Variants in WDR59 observed in about 807,000 individuals in gnomAD.
The protein encoded by WDR59 is WD repeat domain 59, also known as GATOR2 complex protein WDR59.
Under a neutral mutation model 131.2 loss-of-function variants are expected in WDR59, and 100 were observed. That is an observed-to-expected ratio of 0.76 (90% CI 0.65 to 0.90). The LOEUF (loss-of-function observed/expected upper bound fraction) is 0.90. WDR59 is among the 40% of genes least tolerant of loss of function. The pLI, the probability that WDR59 is intolerant of heterozygous loss-of-function variation, is 0.00. For synonymous variants in WDR59, 601 were observed against 466.2 expected, an observed-to-expected ratio of 1.29 and a Z score of -3.72; for missense variants, 1,203 against 1,262.2, an observed-to-expected ratio of 0.95 and a Z score of 0.71.
chr16:74,886,258 G>A lies in WDR59; in HGVS notation c.2546+12C>T. Reference sequence around the variant, plus strand: ...TCCTGGCATTGCAGCTCTCACCTGGGAGGGTGGTTACCTTTTATTTTTATC... The same window carrying A: ...TCCTGGCATTGCAGCTCTCACCTGGAAGGGTGGTTACCTTTTATTTTTATC... On this transcript the variant is annotated intron_variant, in intron 24 of 25. Coordinates refer to ENST00000262144, the MANE Select transcript of WDR59 (RefSeq NM_030581.4). 1 of 1,608,122 alleles carries A rather than the reference G, an allele frequency of 6.2e-7. No individual in the cohort carries two copies. Among genetic ancestry groups the A allele is most frequent in the Non-Finnish European group, 8.5e-7 (1 of 1,176,136 alleles).
chr16:74,918,108 C>T (rs1966482051), intron 10 of WDR59, 100 bp from the exon 11 acceptor site: 1 of 1,137,112 alleles, frequency 8.8e-7, no homozygotes, highest in Non-Finnish European at 1.3e-6. Context: ...ATTCAACAAA[C>T]ATCTACTGAA....
intron 25 of WDR59, among the ~76,000 whole-genome samples, chr16:74,877,085 G>GA (rs1207405099): frequency 6.6e-6 from 1 of 151,982 alleles, no homozygotes; most frequent in Non-Finnish European, 1.5e-5. Flanking sequence ...CAAGATAATT[G>GA]ATGTGTTCTA....
At chr16:74,888,404 A>G in intron 21 of WDR59, 85 bp from the exon 22 acceptor site, 4 of 1,396,376 alleles carry the variant, frequency 2.9e-6, no homozygotes, top group East Asian at 2.5e-5. Context: ...TGTTACTGCC[A>G]CAGGGGTGGG....
chr16:74,980,334 T>A (rs1406821070), intron 1 of WDR59, among the ~76,000 whole-genome samples: 2 of 151,440 alleles, frequency 1.3e-5, no homozygotes, highest in Admixed American at 1.3e-4. Context: ...CAGACTGGGG[T>A]TTTCCTCTGA....
intron 6 of WDR59, among the ~76,000 whole-genome samples, chr16:74,948,251 A>G (rs2145126182): frequency 6.6e-6 from 1 of 152,352 alleles, no homozygotes; most frequent in South Asian, 2.1e-4. Flanking sequence ...AAAGGTTACA[A>G]ACAAATCATC....
chr16:74,984,809 C>T, intron 1 of WDR59, 155 bp downstream of exon 1: 2 of 1,066,136 alleles, frequency 1.9e-6, no homozygotes, highest in Non-Finnish European at 2.7e-6. Flanking sequence ...TCTTCCCTCC[C>T]CCGACGGGGC....
intron 6 of WDR59, among the ~76,000 whole-genome samples, chr16:74,946,558 C>T (rs112563708): frequency 0.015 from 2,276 of 152,068 alleles, 62 homozygotes; most frequent in African/African-American, 0.052. Context: ...CCTGTCTCTA[C>T]TAAAAATACA....
intron 1 of WDR59, among the ~76,000 whole-genome samples, chr16:74,977,343 C>T (rs1359521465): frequency 2.0e-5 from 3 of 152,024 alleles, no homozygotes; most frequent in Non-Finnish European, 4.4e-5. Flanking sequence ...TATATATAAC[C>T]ATACAGAACT....
chr16:74,916,106 G>A (rs1375837120), intron 12 of WDR59, 21 bp downstream of exon 12: 9 of 1,614,078 alleles, frequency 5.6e-6, no homozygotes, highest in Non-Finnish European at 7.6e-6. Flanking sequence ...CCTTACCTGA[G>A]ACATCAGTTT....
chr16:74,920,412 T>A (rs571341523), intron 10 of WDR59, among the ~76,000 whole-genome samples: 40 of 152,156 alleles, frequency 2.6e-4, no homozygotes, highest in African/African-American at 7.5e-4. Flanking sequence ...ATATATATAT[T>A]TTTTCTTTTG....
At chr16:74,899,832 A>C in intron 18 of WDR59, 1 of 1,061,502 alleles carries the variant, frequency 9.4e-7, no homozygotes, top group Non-Finnish European at 1.3e-6. Flanking sequence ...ATAGAATAAA[A>C]TGAAAGCTTC....
intron 8 of WDR59, among the ~76,000 whole-genome samples, chr16:74,937,907 T>C (rs925530113): frequency 6.6e-6 from 1 of 152,246 alleles, no homozygotes; most frequent in Non-Finnish European, 1.5e-5. Flanking sequence ...GGAGATGCTA[T>C]GGCATGTCAC....
chr16:74,938,731 G>GT (rs1479890233), intron 7 of WDR59, among the ~76,000 whole-genome samples: 1 of 151,898 alleles, frequency 6.6e-6, no homozygotes, highest in Non-Finnish European at 1.5e-5. Flanking sequence ...TAGAGATGGG[G>GT]TTTTGCATGT....
Position 74,886,353 on chromosome 16 carries a change from G to C in WDR59, c.2463C>G (p.Ser821=). 1.2e-6 allele frequency: 2 copies of C among 1,613,866 alleles called. No homozygotes were observed. The highest frequency in any genetic ancestry group is 1.7e-6 in the Non-Finnish European group (2 of 1,179,966). ...TCCCAAAGCGGAGCTCTTCTGGTGA[G>C]GATTCTCCCCAAGGGGAGGACAAGT... ...AEHLSSPWGE[S]SPEELRFGSL... The change falls in exon 24 of 26, where the codon TCC becomes TCG. Residue 821 remains serine (S), a synonymous_variant. Coordinates refer to ENST00000262144, the MANE Select transcript of WDR59 (RefSeq NM_030581.4).
chr16:74,946,774 A>C (rs2032667819), intron 6 of WDR59, among the ~76,000 whole-genome samples: 1 of 152,088 alleles, frequency 6.6e-6, no homozygotes, highest in African/African-American at 2.4e-5. Context: ...CACAAATCAT[A>C]TCATCCAGCT....
chr16:74,887,934 A>G (rs1597642907), intron 22 of WDR59, among the ~76,000 whole-genome samples, 179 bp from the exon 23 acceptor site: 1 of 152,174 alleles, frequency 6.6e-6, no homozygotes, highest in Non-Finnish European at 1.5e-5. Context: ...CCTGGCCAAC[A>G]TGGTGAAACC....
chr16:74,886,542 T>A, intron 23 of WDR59, 146 bp from the exon 24 acceptor site: 2 of 1,120,270 alleles, frequency 1.8e-6, no homozygotes, highest in Non-Finnish European at 1.2e-6. Flanking sequence ...TATAACTAAA[T>A]AGAACTCTCT....
chr16:74,887,085 A>G (rs1346044701), intron 23 of WDR59, among the ~76,000 whole-genome samples: 1 of 152,218 alleles, frequency 6.6e-6, no homozygotes, highest in Non-Finnish European at 1.5e-5. Flanking sequence ...ACTCCTGCAC[A>G]CAAAGAATGG....
chr16:74,973,326 GTC>G (rs2034062387), intron 1 of WDR59, among the ~76,000 whole-genome samples: 1 of 152,032 alleles, frequency 6.6e-6, no homozygotes, highest in Non-Finnish European at 1.5e-5. Flanking sequence ...GGGGGGGCCG[GTC>G]TCTCTCCATC....
Sources: gnomAD v4.1 joint callset for allele counts (sites outside exome capture counted in the v4.1 genomes callset) on GRCh38, gnomAD v4.1.1 for gene constraint, MANE v1.5 for transcripts, NCBI Gene and HGNC (gene_info 2026-07-23, HGNC 2026-07-21) for gene names.